CA12: variants seen among roughly 807,000 people sequenced by gnomAD.
CA12 encodes the protein carbonic anhydrase 12, also known as carbonate dehydratase XII.
CA12 carries 36 observed loss-of-function variants against 46.8 expected under a neutral mutation model. The ratio of observed to expected loss-of-function variants is 0.77; its 90% CI spans 0.59 to 1.02. The LOEUF is 1.02. Among genes scored for constraint, CA12 ranks in the 50% least tolerant of loss-of-function variants. CA12 has a pLI of 0.00. For synonymous variants in CA12, 202 were observed against 187.0 expected (o/e 1.08, Z -0.65); for missense variants, 436 against 451.4 (o/e 0.97, Z 0.31).
chr15:63,364,737 C>T (rs941688752), intron 2 of CA12, among the ~76,000 whole-genome samples: 9 of 152,208 alleles, frequency 5.9e-5, no homozygotes, highest in Non-Finnish European at 1.2e-4. Flanking sequence ...CTGTGCATGG[C>T]CTGTCCTCTG....
At chr15:63,326,397 A>G in intron 10 of CA12, 40 bp from the exon 11 acceptor site, 1 of 1,544,728 alleles carries the variant, frequency 6.5e-7, no homozygotes, top group Non-Finnish European at 8.9e-7. Context: ...TAGAGAGGAG[A>G]GCGAGCGAGC....
Position 63,339,910 on chromosome 15 carries a change from C to G in CA12, c.747+378G>C. On this transcript the variant is annotated intron_variant, in intron 7 of 10. Transcript: ENST00000178638. The surrounding 1 kb of genome is among the most constrained non-coding windows in gnomAD (Gnocchi z 4.3). Reference sequence around the variant, plus strand: ...AGCTTCTTGGGGGCAGGGACCCTCACTTAGTCATTGCTGCAATCCCATCTC... The same window carrying G: ...AGCTTCTTGGGGGCAGGGACCCTCAGTTAGTCATTGCTGCAATCCCATCTC... 3.0e-6 allele frequency: 1 copy of G among 333,060 alleles called. No homozygotes were observed. The highest frequency in any genetic ancestry group is 2.5e-5 in the South Asian group (1 of 40,346). The allele number at this position is 333,060 out of a possible 1,614,324, so 20.6% of individuals were successfully genotyped here.
Position 63,331,732 on chromosome 15 carries a change from G to A in CA12, c.875-3602C>T, listed in dbSNP as rs565592933. 1.2e-4 allele frequency: 19 copies of A among 152,352 alleles called. No individual in the cohort carries two copies. Among genetic ancestry groups the A allele is most frequent in the Non-Finnish European group, 2.4e-4 (16 of 68,072 alleles). 9.4% of individuals were successfully genotyped at this position (152,352 alleles called of 1,614,324 possible). ...AAGGTACAGACACCCGGAGAAGGTC[G>A]GTGAGCTGCTTGCCACAAGGGCCTT... On this transcript the variant is annotated intron_variant, in intron 8 of 10. Coordinates refer to ENST00000178638, the MANE Select transcript of CA12 (RefSeq NM_001218.5). This position sits in a 1 kb window ranked among gnomAD's most constrained non-coding sequence, Gnocchi z 5.3.
chr15:63,361,464 TG>T (rs563760787), intron 2 of CA12, among the ~76,000 whole-genome samples: 3 of 151,946 alleles, frequency 2.0e-5, no homozygotes, highest in Admixed American at 6.6e-5. Flanking sequence ...TGTCACAACT[TG>T]GGGGGGTGCT....
intron 1 of CA12, among the ~76,000 whole-genome samples, chr15:63,377,363 C>T (rs551825385): frequency 1.6e-4 from 24 of 152,236 alleles, no homozygotes; most frequent in Admixed American, 5.2e-4. Flanking sequence ...CCCTTTCTCT[C>T]GTGGGAATTA....
At chr15:63,364,347 A>AAAAAC (rs1463677589) in intron 2 of CA12, among the ~76,000 whole-genome samples, 1 of 139,506 alleles carries the variant, frequency 7.2e-6, no homozygotes, top group Non-Finnish European at 1.7e-5. Context: ...AAAAAAAAAA[A>AAAAAC]AAAAAAAACA....
intron 2 of CA12, among the ~76,000 whole-genome samples, chr15:63,368,844 G>A (rs925775113): frequency 2.0e-5 from 3 of 148,364 alleles, no homozygotes; most frequent in African/African-American, 7.5e-5. Flanking sequence ...AGGCTAGGCT[G>A]GTGTCAATCC....
chr15:63,347,962 T>C (rs902593109), intron 2 of CA12, among the ~76,000 whole-genome samples: 1 of 152,190 alleles, frequency 6.6e-6, no homozygotes, highest in Non-Finnish European at 1.5e-5. Flanking sequence ...GTAAATGTTA[T>C]ATTGGCCCCA....
rs1279113234 is a variant in CA12 at position 63,353,012 on chromosome 15, C to T, written c.107-6303G>A. Among the ~76,000 whole-genome samples the T allele has an allele frequency of 3.3e-5, 5 of 152,016 alleles. No homozygotes were observed. In the East Asian group the frequency reaches 9.6e-4, roughly 29 times the overall value. On this transcript the variant is annotated intron_variant, in intron 2 of 10. Transcript: ENST00000178638. ...GGAGTTAATGCATTCATTTCTTCAA[C>T]AAATGTGTCTAGTATGTGTCAGGCA...
Position 63,373,409 on chromosome 15 carries a change from C to T in CA12, c.106+2249G>A, listed in dbSNP as rs2152627161. On this transcript the variant is annotated intron_variant, in intron 2 of 10. Coordinates refer to ENST00000178638, the MANE Select transcript of CA12 (RefSeq NM_001218.5). The surrounding 1 kb of genome is among the most constrained non-coding windows in gnomAD (Gnocchi z 4.9). ...CACACCTTCACACAATGTCTCTGTT[C>T]CCTGTCGCCATCTCATTCTGCCCAG... is the stretch of plus-strand genomic sequence containing the variant. Among the ~76,000 whole-genome samples the T allele has an allele frequency of 6.6e-6, 1 of 152,042 alleles. No individual in the cohort carries two copies. The highest frequency in any genetic ancestry group is 2.4e-5 in the African/African-American group (1 of 41,478).
In CA12 at chr15:63,327,985, G is replaced by T; in HGVS notation, c.907+113C>A. ...GGGTAAGACCCATAGCAAGGAGAGGGCCAGGAGCCAGAGCAATAGTACAGA... is the reference window on the plus strand; with the variant it reads ...GGGTAAGACCCATAGCAAGGAGAGGTCCAGGAGCCAGAGCAATAGTACAGA... On this transcript the variant is annotated intron_variant, in intron 9 of 10. Coordinates refer to ENST00000178638, the MANE Select transcript of CA12 (RefSeq NM_001218.5). The surrounding 1 kb of genome is among the most constrained non-coding windows in gnomAD (Gnocchi z 4.5). The T allele has an allele frequency of 1.0e-6, 1 of 991,574 alleles. No individual in the cohort carries two copies. Among genetic ancestry groups the T allele is most frequent in the Non-Finnish European group, 1.6e-6 (1 of 623,042 alleles). 61.4% of individuals were successfully genotyped at this position (991,574 alleles called of 1,614,324 possible).
intron 2 of CA12, among the ~76,000 whole-genome samples, chr15:63,361,477 C>T (rs1411636618): frequency 6.6e-6 from 1 of 152,166 alleles, no homozygotes; most frequent in African/African-American, 2.4e-5. Context: ...GGGGGTGCTA[C>T]TAGCATCTAG....
At chr15:63,376,557 CCTTTCTTTCTTT>C (rs66768055) in intron 1 of CA12, among the ~76,000 whole-genome samples, 45 of 104,620 alleles carry the variant, frequency 4.3e-4, no homozygotes, top group African/African-American at 1.3e-3. Flanking sequence ...CTCTTTCTTT[CCTTTCTTTCTTT>C]CTTTCTTTCT....
chr15:63,357,453 C>A (rs1297469092), intron 2 of CA12, among the ~76,000 whole-genome samples: 1 of 152,174 alleles, frequency 6.6e-6, no homozygotes, highest in Non-Finnish European at 1.5e-5. Flanking sequence ...TTGCTCCCAG[C>A]CCCAGTCCCT....
At chr15:63,371,155 G>C (rs1212820329) in intron 2 of CA12, among the ~76,000 whole-genome samples, 1 of 152,172 alleles carries the variant, frequency 6.6e-6, no homozygotes, top group Non-Finnish European at 1.5e-5. Context: ...GGTGTCTGGA[G>C]CCCCAAGAAA....
In CA12 at chr15:63,327,776, T is replaced by C. The variant is rs1050458178; in HGVS notation, c.907+322A>G. 1.2e-4 allele frequency among the ~76,000 whole-genome samples: 19 copies of C among 152,168 alleles called. No homozygotes were observed. Among genetic ancestry groups the C allele is most frequent in the African/African-American group, 4.3e-4 (18 of 41,446 alleles). On this transcript the variant is annotated intron_variant, in intron 9 of 10. Transcript: ENST00000178638. The surrounding 1 kb of genome is among the most constrained non-coding windows in gnomAD (Gnocchi z 4.5). ...GATGACCAGTAGTCCATTGCCAAGG[T>C]CATGCGGCCTGTCAGCTGACCTCCA...
At chr15:63,370,823 G>A (rs955341902) in intron 2 of CA12, among the ~76,000 whole-genome samples, 1 of 151,962 alleles carries the variant, frequency 6.6e-6, no homozygotes, top group Non-Finnish European at 1.5e-5. Flanking sequence ...GGCCTTTTCC[G>A]GCTCTCCTGA....
In CA12 at chr15:63,374,710, T is replaced by C. The variant is rs2039549951; in HGVS notation, c.106+948A>G. Among the ~76,000 whole-genome samples the C allele has an allele frequency of 6.6e-6, 1 of 152,198 alleles. No individual in the cohort carries two copies. Among genetic ancestry groups the C allele is most frequent in the African/African-American group, 2.4e-5 (1 of 41,432 alleles). On this transcript the variant is annotated intron_variant, in intron 2 of 10. Coordinates refer to ENST00000178638, the MANE Select transcript of CA12 (RefSeq NM_001218.5). The surrounding 1 kb of genome is among the most constrained non-coding windows in gnomAD (Gnocchi z 4.4). ...AAAGGCTGACCTATGCAAATTGGTGTCAGATCTTTCTCTGGACGGTGCTTC... is the reference window on the plus strand; with the variant it reads ...AAAGGCTGACCTATGCAAATTGGTGCCAGATCTTTCTCTGGACGGTGCTTC...
intron 8 of CA12, among the ~76,000 whole-genome samples, chr15:63,338,023 G>A (rs2039024898): frequency 6.6e-6 from 1 of 152,176 alleles, no homozygotes; most frequent in Non-Finnish European, 1.5e-5. Context: ...GAGGTCTGAA[G>A]AGGGGTGTGG....
Sources: allele counts gnomAD v4.1 joint callset (sites outside exome capture counted in the v4.1 genomes callset), GRCh38; gene constraint gnomAD v4.1.1; non-coding constraint Gnocchi (gnomAD v3.1); transcripts MANE v1.5; gene names NCBI Gene and HGNC (gene_info 2026-07-23, HGNC 2026-07-21).